VTA1: variants seen among roughly 807,000 people sequenced by gnomAD.
VTA1 encodes the protein vacuolar protein sorting-associated protein VTA1 homolog.
A neutral mutation model predicts 36.9 loss-of-function variants in VTA1; 24 were observed. That is an observed-to-expected ratio of 0.65 (90% confidence interval 0.47 to 0.91). The LOEUF (loss-of-function observed/expected upper bound fraction) is 0.91, where lower values mean the gene tolerates loss of function less well. Among genes scored for constraint, VTA1 ranks in the 40% least tolerant of loss-of-function variants. The probability of loss-of-function intolerance (pLI) is 0.00; values close to 1 mark genes in which losing one functional copy is unlikely to be tolerated. For missense variants in VTA1, 393 were observed against 377.2 expected (o/e 1.04, Z -0.35); for synonymous variants, 142 against 130.2 (o/e 1.09, Z -0.62).
rs547930481 is a variant in VTA1 at position 142,156,603 on chromosome 6, A to C, written c.112+9204A>C. ...TCAGTTTGCCGTGAGTAAATGTATA[A>C]AATTTCAAGTTTCAATTTTTAAAGC... On this transcript the variant is annotated intron_variant, in intron 1 of 7. Coordinates refer to ENST00000367630, the MANE Select transcript of VTA1 (RefSeq NM_016485.5). Among the ~76,000 whole-genome samples the C allele has an allele frequency of 9.2e-5, 14 of 152,314 alleles. No individual in the cohort carries two copies. The South Asian group carries it at 2.9e-3, about 32-fold the overall frequency.
At chr6:142,195,595 CTTTTTTTTTTT>C (rs72442499) in intron 5 of VTA1, among the ~76,000 whole-genome samples, 1 of 70,708 alleles carries the variant, frequency 1.4e-5, no homozygotes. Context: ...GTTTAATTTG[CTTTTTTTTTTT>C]TTTTTTTTTA....
chr6:142,200,932 ATT>A (rs1775671977), intron 6 of VTA1, among the ~76,000 whole-genome samples: 2 of 151,972 alleles, frequency 1.3e-5, no homozygotes, highest in South Asian at 4.1e-4. Flanking sequence ...TATATTATGT[ATT>A]ACTGTCTTTA....
intron 2 of VTA1, 43 bp downstream of exon 2, chr6:142,166,365 A>G (rs1199013889): frequency 2.2e-5 from 30 of 1,394,112 alleles, no homozygotes; most frequent in Non-Finnish European, 3.0e-5. Context: ...TATGGTTAAA[A>G]TACCATTTTA....
chr6:142,201,020 G>A (rs1369014423), intron 6 of VTA1, among the ~76,000 whole-genome samples: 3 of 151,844 alleles, frequency 2.0e-5, no homozygotes. Context: ...ACCAGGATTT[G>A]AATCCACGTT....
intron 7 of VTA1, among the ~76,000 whole-genome samples, chr6:142,204,290 T>TA (rs1775744516): frequency 6.6e-6 from 1 of 152,216 alleles, no homozygotes; most frequent in South Asian, 2.1e-4. Flanking sequence ...CCCCTTTTGT[T>TA]ACAGTTCTTT....
intron 4 of VTA1, among the ~76,000 whole-genome samples, chr6:142,173,068 A>G (rs1382012728): frequency 2.0e-5 from 3 of 152,216 alleles, no homozygotes; most frequent in Non-Finnish European, 4.4e-5. Flanking sequence ...TTGAGAAACA[A>G]TAATATATTG....
chr6:142,186,087 A>G (rs186890211), intron 4 of VTA1, among the ~76,000 whole-genome samples: 1 of 152,266 alleles, frequency 6.6e-6, no homozygotes, highest in Admixed American at 6.5e-5. Context: ...CTGACCTTTG[A>G]TTGGGAACAT....
intron 5 of VTA1, among the ~76,000 whole-genome samples, chr6:142,190,000 G>A (rs770158488): frequency 7.9e-5 from 12 of 151,952 alleles, no homozygotes; most frequent in African/African-American, 1.2e-4. Context: ...CTTGTGATCC[G>A]CCCACCTTGG....
intron 6 of VTA1, among the ~76,000 whole-genome samples, chr6:142,203,289 G>A (rs1428578526): frequency 6.6e-6 from 1 of 152,006 alleles, no homozygotes; most frequent in African/African-American, 2.4e-5. Flanking sequence ...AGTCCATCTT[G>A]AGAGACTGTT....
intron 4 of VTA1, among the ~76,000 whole-genome samples, chr6:142,186,772 A>G (rs995083648): frequency 1.6e-4 from 25 of 152,172 alleles, no homozygotes; most frequent in African/African-American, 6.0e-4. Context: ...AAATTTAAGA[A>G]TAATAAATTT....
At chr6:142,162,023 C>A (rs1221782361) in intron 1 of VTA1, among the ~76,000 whole-genome samples, 1 of 151,992 alleles carries the variant, frequency 6.6e-6, no homozygotes, top group Non-Finnish European at 1.5e-5. Flanking sequence ...ATAATAATGT[C>A]CTTGTAATTG....
intron 7 of VTA1, among the ~76,000 whole-genome samples, chr6:142,207,580 G>T (rs993927373): frequency 1.3e-5 from 2 of 152,092 alleles, no homozygotes; most frequent in African/African-American, 4.8e-5. Context: ...TAGAGCTGAG[G>T]CAAACCTGGG....
intron 5 of VTA1, among the ~76,000 whole-genome samples, chr6:142,191,936 A>C (rs1775463278): frequency 6.6e-6 from 1 of 152,098 alleles, no homozygotes; most frequent in South Asian, 2.1e-4. Context: ...AGTATATTTC[A>C]CAAAAACCTA....
At chr6:142,193,183 A>G (rs1775485693) in intron 5 of VTA1, among the ~76,000 whole-genome samples, 1 of 151,878 alleles carries the variant, frequency 6.6e-6, no homozygotes, top group Admixed American at 6.6e-5. Flanking sequence ...CTGTTCCTCA[A>G]TTTGTTTGTC....
At chr6:142,214,999 T>C (rs1029877500) in intron 7 of VTA1, among the ~76,000 whole-genome samples, 30 of 152,216 alleles carry the variant, frequency 2.0e-4, no homozygotes, top group African/African-American at 7.0e-4. Flanking sequence ...GTGATATTAA[T>C]GTATATTAAA....
At position 142,147,278 on chromosome 6, in the gene VTA1, C is replaced by A. The variant is rs747144123; in HGVS notation, c.-10C>A. On this transcript the variant is annotated 5_prime_UTR_variant, in exon 1 of 8. Transcript: ENST00000367630. ...GAGCGCGAGTAGGAAGTGGTGAGTT[C>A]GGAGTAGAGATGGCCGCGCTTGCAC... The A allele has an allele frequency of 6.2e-7, 1 of 1,613,998 alleles. No homozygotes were observed.
rs1776091702 is a variant in VTA1, at chr6:142,220,626, A to C, written c.*1983A>C. On this transcript the variant is annotated 3_prime_UTR_variant, in exon 8 of 8. Transcript: ENST00000367630. ...TAAATTGTTAATAATTTATTTCCCT[A>C]ATATCAGGAAATCCCAGTTGTCTAT... 1 of 152,154 alleles carries C rather than the reference A, an allele frequency of 6.6e-6. No homozygotes were observed. Among genetic ancestry groups the C allele is most frequent in the Admixed American group, 6.5e-5 (1 of 15,274 alleles). 9.4% of individuals were successfully genotyped at this position (152,154 alleles called of 1,614,324 possible). A position where few individuals can be genotyped will look rare whatever the true frequency, so the allele number is the denominator to read the frequency against.
At chr6:142,178,525 G>A (rs566154041) in intron 4 of VTA1, among the ~76,000 whole-genome samples, 29 of 152,128 alleles carry the variant, frequency 1.9e-4, no homozygotes, top group African/African-American at 6.5e-4. Context: ...TTTACAGGAA[G>A]GAATGAACAA....
chr6:142,212,543 G>C (rs975858800), intron 7 of VTA1, among the ~76,000 whole-genome samples: 3 of 152,162 alleles, frequency 2.0e-5, no homozygotes, highest in Non-Finnish European at 4.4e-5. Context: ...GGATCACAGA[G>C]AAGTTTTAGG....
Sources: allele counts gnomAD v4.1 joint callset (sites outside exome capture counted in the v4.1 genomes callset), GRCh38; gene constraint gnomAD v4.1.1; transcripts MANE v1.5; gene names NCBI Gene and HGNC (gene_info 2026-07-23, HGNC 2026-07-21).